Variants in PDE4D observed in about 807,000 individuals in gnomAD.
PDE4D encodes 3',5'-cyclic-AMP phosphodiesterase 4D.
Under a neutral mutation model 87.4 loss-of-function variants are expected in PDE4D, and 24 were observed. The observed-to-expected ratio is 0.27, with a 90% CI of 0.20 to 0.39. The LOEUF is 0.39. Among genes scored for constraint, PDE4D ranks in the 10% least tolerant of loss-of-function variants. The pLI, the probability that PDE4D is intolerant of heterozygous loss-of-function variation, is 1.00. For missense variants in PDE4D, 714 were observed against 1,041.0 expected (o/e 0.69, Z 4.32); for synonymous variants, 384 against 383.2 (o/e 1.00, Z -0.02).
chr5:59,230,709 T>A (rs1489952512), intron 1 of PDE4D, among the ~76,000 whole-genome samples: 2 of 152,198 alleles, frequency 1.3e-5, no homozygotes, highest in Non-Finnish European at 2.9e-5. Context: ...GGGTTTGCAC[T>A]CTGCATCAAA....
intron 1 of PDE4D, among the ~76,000 whole-genome samples, chr5:59,556,393 C>T (rs1818924274): frequency 6.6e-6 from 1 of 152,136 alleles, no homozygotes; most frequent in Non-Finnish European, 1.5e-5. Context: ...AAGAGACACA[C>T]ACATTTAGTA....
chr5:60,455,380 T>TATTGCCTCTCTATATATACCAATAATA (rs1746393366), intron 1 of PDE4D, among the ~76,000 whole-genome samples: 1 of 152,050 alleles, frequency 6.6e-6, no homozygotes, highest in African/African-American at 2.4e-5. Context: ...ATAATATACC[T>TATTGCCTCTCTATATATACCAATAATA]TAGAGAGAGA....
chr5:59,156,331 A>ATATATATATATGTGTGTGTGTGTG (rs1384479557), intron 5 of PDE4D, among the ~76,000 whole-genome samples: 1 of 122,768 alleles, frequency 8.1e-6, no homozygotes, highest in Admixed American at 8.3e-5. Context: ...ATATATATAT[A>ATATATATATATGTGTGTGTGTGTG]TGTGTGTGTG....
intron 1 of PDE4D, among the ~76,000 whole-genome samples, chr5:59,248,666 C>A (rs1554109617): frequency 6.6e-6 from 1 of 151,760 alleles, no homozygotes; most frequent in Non-Finnish European, 1.5e-5. Context: ...CACCAGAGTT[C>A]TTTTTTTTCT....
intron 5 of PDE4D, among the ~76,000 whole-genome samples, chr5:59,172,146 AT>A (rs1783045477): frequency 1.0e-5 from 1 of 97,414 alleles, no homozygotes; most frequent in Non-Finnish European, 1.8e-5. Context: ...TAAATATATA[AT>A]ATTATATATA....
intron 1 of PDE4D, among the ~76,000 whole-genome samples, chr5:59,255,104 T>C (rs1239181662): frequency 6.6e-6 from 1 of 152,106 alleles, no homozygotes; most frequent in East Asian, 1.9e-4. Flanking sequence ...ACAAAATCTT[T>C]TGCATAAATG....
intron 1 of PDE4D, among the ~76,000 whole-genome samples, chr5:59,669,544 T>A (rs1190719363): frequency 6.6e-6 from 1 of 152,184 alleles, no homozygotes; most frequent in Non-Finnish European, 1.5e-5. Flanking sequence ...CCTTGAAAAA[T>A]TAGTTTTCTC....
rs965034898 is a variant in PDE4D at position 59,470,418 on chromosome 5, T to C, written c.456-254450A>G. Among the ~76,000 whole-genome samples, 3 of 152,328 alleles carry C rather than the reference T, an allele frequency of 2.0e-5. No individual in the cohort carries two copies. In the South Asian group the frequency reaches 6.2e-4, roughly 32 times the overall value. ...AGATAACATTCTGTACTCCTACTCA[T>C]AGAGGGCACTATTTTCTTGTCAGTT... is the stretch of plus-strand genomic sequence containing the variant. On this transcript the variant is annotated intron_variant, in intron 1 of 14. Transcript: ENST00000340635.
At chr5:59,901,668 A>G (rs1752275537) in intron 3 of PDE4D, among the ~76,000 whole-genome samples, 1 of 152,136 alleles carries the variant, frequency 6.6e-6, no homozygotes, top group Non-Finnish European at 1.5e-5. Context: ...ATAGATGAAA[A>G]AATTGACCAA....
intron 1 of PDE4D, among the ~76,000 whole-genome samples, chr5:59,539,894 G>A (rs746733477): frequency 2.6e-5 from 4 of 151,974 alleles, no homozygotes; most frequent in Non-Finnish European, 5.9e-5. Flanking sequence ...TCTAAATATT[G>A]TCAAAGTCAT....
At chr5:59,868,153 C>T (rs1382620137) in intron 1 of PDE4D, among the ~76,000 whole-genome samples, 1 of 152,004 alleles carries the variant, frequency 6.6e-6, no homozygotes, top group Non-Finnish European at 1.5e-5. Flanking sequence ...TCTTTATAGT[C>T]TTAAAAATTA....
chr5:59,157,476 TC>T, intron 5 of PDE4D: 1 of 640,296 alleles, frequency 1.6e-6, no homozygotes. Context: ...CGACTAAGTT[TC>T]CAATCATTTA....
chr5:59,169,081 TATAAC>T (rs2153471559), intron 5 of PDE4D, among the ~76,000 whole-genome samples: 1 of 152,304 alleles, frequency 6.6e-6, no homozygotes, highest in Non-Finnish European at 1.5e-5. Flanking sequence ...GGCTTTTTGA[TATAAC>T]AAAAGAAACG....
At chr5:59,187,639 C>T (rs1028068317) in intron 3 of PDE4D, among the ~76,000 whole-genome samples, 1 of 152,188 alleles carries the variant, frequency 6.6e-6, no homozygotes, top group Admixed American at 6.5e-5. Flanking sequence ...AATCAGCTGC[C>T]TGGCCACTAG....
intron 1 of PDE4D, among the ~76,000 whole-genome samples, chr5:59,890,483 TC>T (rs1750802967): frequency 6.6e-6 from 1 of 152,228 alleles, no homozygotes; most frequent in African/African-American, 2.4e-5. Flanking sequence ...AGTTAAAATC[TC>T]TAATTACTTC....
At chr5:60,278,586 G>A (rs1332724487) in intron 1 of PDE4D, among the ~76,000 whole-genome samples, 1 of 151,542 alleles carries the variant, frequency 6.6e-6, no homozygotes, top group East Asian at 1.9e-4. Flanking sequence ...GTTTTGTTTT[G>A]TTTTTCCCAT....
intron 5 of PDE4D, among the ~76,000 whole-genome samples, chr5:59,090,654 G>A (rs2153428257): frequency 6.6e-6 from 1 of 152,130 alleles, no homozygotes. Context: ...GGGTAGAGAT[G>A]CCAAAAGTTG....
At position 59,068,741 on chromosome 5, in the gene PDE4D, G is replaced by T. The variant is rs554852095; in HGVS notation, c.809-29770C>A. Among the ~76,000 whole-genome samples, 36 of 152,224 alleles carry T rather than the reference G, an allele frequency of 2.4e-4. 1 individual carries two copies. In the South Asian group the frequency reaches 7.3e-3, roughly 31 times the overall value. ...AAGGGGCTTTAAGCAGGAAGTCCTGGGTTTGGACTTGGGTTTCAAATCTAG... is the reference window on the plus strand; with the variant it reads ...AAGGGGCTTTAAGCAGGAAGTCCTGTGTTTGGACTTGGGTTTCAAATCTAG... On this transcript the variant is annotated intron_variant, in intron 5 of 14. Coordinates refer to ENST00000340635, the MANE Select transcript of PDE4D (RefSeq NM_001104631.2).
At chr5:60,251,303 C>T (rs1748424395) in intron 1 of PDE4D, among the ~76,000 whole-genome samples, 1 of 151,852 alleles carries the variant, frequency 6.6e-6, no homozygotes, top group Non-Finnish European at 1.5e-5. Flanking sequence ...ATTATTTCAT[C>T]ACCAGGCATT....
Sources: allele counts gnomAD v4.1 joint callset (sites outside exome capture counted in the v4.1 genomes callset), GRCh38; gene constraint gnomAD v4.1.1; transcripts MANE v1.5; gene names NCBI Gene and HGNC (gene_info 2026-07-23, HGNC 2026-07-21).